Variants in RAP1GAP2 observed in about 807,000 individuals in gnomAD.
The protein encoded by RAP1GAP2 is rap1 GTPase-activating protein 2.
RAP1GAP2 carries 27 observed loss-of-function variants against 95.0 expected under a neutral mutation model. That is an observed-to-expected ratio of 0.28 (90% CI 0.21 to 0.39). RAP1GAP2 has a LOEUF of 0.39. Ranked by LOEUF, RAP1GAP2 falls within the 10% of genes least tolerant of loss-of-function variation. RAP1GAP2 has a pLI of 1.00. For synonymous variants in RAP1GAP2, 373 were observed against 380.9 expected, an observed-to-expected ratio of 0.98 and a Z score of 0.24; for missense variants, 771 against 970.0, an observed-to-expected ratio of 0.79 and a Z score of 2.72.
At position 2,965,578 on chromosome 17, in the gene RAP1GAP2, G is replaced by T; in HGVS notation, c.531G>T (p.Gly177=). The T allele has an allele frequency of 6.2e-7, 1 of 1,612,912 alleles. No individual in the cohort carries two copies. Among genetic ancestry groups the T allele is most frequent in the Non-Finnish European group, 8.5e-7 (1 of 1,179,574 alleles). Residue 177 remains glycine (G), a synonymous_variant, in exon 8 of 25, where the codon GGG becomes GGT. Coordinates refer to ENST00000254695, the MANE Select transcript of RAP1GAP2 (RefSeq NM_015085.5). The surrounding 1 kb of genome is among the most constrained non-coding windows in gnomAD (Gnocchi z 4.7). The part of the protein sequence containing the change: ...LNFYCTGSSL[G]NLILSVKCEE... ...TTTACTGTACCGGCAGCAGCCTGGG[G>T]AACTTGATCCTGTCCGTCAAGTGCG...
At chr17:2,793,407 GT>G (rs2068981192), upstream of RAP1GAP2, among the ~76,000 whole-genome samples, 1 of 152,282 alleles carries the variant, frequency 6.6e-6, no homozygotes, top group Non-Finnish European at 1.5e-5. Context: ...CCCTGCCTCG[GT>G]CTCCCAAAGT....
At chr17:2,943,991 C>CA (rs921465297) in intron 3 of RAP1GAP2, among the ~76,000 whole-genome samples, 4 of 151,816 alleles carry the variant, frequency 2.6e-5, no homozygotes, top group Admixed American at 6.6e-5. Flanking sequence ...TACTAAAATA[C>CA]AAAAAATTAG....
chr17:2,979,655 C>T (rs984179591), intron 8 of RAP1GAP2, among the ~76,000 whole-genome samples: 58 of 151,704 alleles, frequency 3.8e-4, no homozygotes, highest in Non-Finnish European at 5.5e-4. Flanking sequence ...TTAGTAGAGA[C>T]GGGGTTTCAC....
rs2070511682 is a variant in RAP1GAP2 at position 2,825,580 on chromosome 17, A to G, written c.80+25030A>G. Among the ~76,000 whole-genome samples the G allele has an allele frequency of 6.6e-6, 1 of 152,132 alleles. No individual in the cohort carries two copies. The highest frequency in any genetic ancestry group is 1.5e-5 in the Non-Finnish European group (1 of 68,034). On this transcript the variant is annotated intron_variant, in intron 2 of 24. Transcript: ENST00000254695. This position sits in a 1 kb window ranked among gnomAD's most constrained non-coding sequence, Gnocchi z 4.1. ...ACTCACTGCTGGGGTTACCTTGGGC[A>G]ACCGTCTGAACCTCTCTGAGCTTGT...
intron 1 of RAP1GAP2, among the ~76,000 whole-genome samples, chr17:2,789,797 A>G (rs1478741465): frequency 6.6e-6 from 1 of 151,044 alleles, no homozygotes; most frequent in Non-Finnish European, 1.5e-5. Flanking sequence ...AAAAAAAAAA[A>G]AAAAAGTAAA....
At chr17:2,897,681 C>A (rs940396473) in intron 2 of RAP1GAP2, among the ~76,000 whole-genome samples, 5 of 152,152 alleles carry the variant, frequency 3.3e-5, no homozygotes, top group African/African-American at 9.6e-5. Flanking sequence ...TTGCTCCCCA[C>A]TTCCCACAAG....
intron 2 of RAP1GAP2, among the ~76,000 whole-genome samples, chr17:2,862,023 C>T (rs1440479741): frequency 2.6e-5 from 4 of 152,184 alleles, no homozygotes; most frequent in African/African-American, 7.2e-5. Context: ...TCCCTTCTCT[C>T]TCCTTTCTTT....
At chr17:2,927,437 G>C (rs1010501629) in intron 3 of RAP1GAP2, among the ~76,000 whole-genome samples, 3 of 152,308 alleles carry the variant, frequency 2.0e-5, no homozygotes, top group East Asian at 3.9e-4. Flanking sequence ...ACAGGCGTGA[G>C]CCACCGCGCC....
chr17:2,917,815 A>C (rs1048158137), intron 3 of RAP1GAP2, among the ~76,000 whole-genome samples: 3 of 152,000 alleles, frequency 2.0e-5, no homozygotes, highest in African/African-American at 7.2e-5. Flanking sequence ...TCCTGGGTTC[A>C]AGTGATTCTC....
upstream of RAP1GAP2, chr17:2,777,015 C>A (rs1446441347): frequency 6.6e-6 from 1 of 152,312 alleles, no homozygotes; most frequent in Non-Finnish European, 1.5e-5. Context: ...GTGTGACTGA[C>A]GGGGAATCGG....
chr17:2,897,844 G>A (rs900140362), intron 2 of RAP1GAP2, among the ~76,000 whole-genome samples: 12 of 152,050 alleles, frequency 7.9e-5, no homozygotes, highest in African/African-American at 1.9e-4. Context: ...TTTCTCCCAC[G>A]GCTGCTGCTC....
At chr17:2,888,391 T>A (rs1399895418) in intron 2 of RAP1GAP2, among the ~76,000 whole-genome samples, 3 of 152,312 alleles carry the variant, frequency 2.0e-5, no homozygotes, top group East Asian at 3.9e-4. Context: ...TACTTTTGTA[T>A]CCCTGCCAAC....
At chr17:2,955,508 G>A (rs1384903174) in intron 3 of RAP1GAP2, among the ~76,000 whole-genome samples, 3 of 152,130 alleles carry the variant, frequency 2.0e-5, no homozygotes, top group Non-Finnish European at 4.4e-5. Context: ...GTTTGTTTTT[G>A]TAGAGACACG....
chr17:3,006,098 G>C, intron 16 of RAP1GAP2, 57 bp downstream of exon 16: 4 of 972,218 alleles, frequency 4.1e-6, no homozygotes, highest in Non-Finnish European at 4.8e-6. Context: ...CTGTTAGCCA[G>C]CCTCATCCAG....
intron 2 of RAP1GAP2, among the ~76,000 whole-genome samples, chr17:2,899,805 G>A (rs763390637): frequency 1.3e-5 from 2 of 152,132 alleles, no homozygotes; most frequent in African/African-American, 2.4e-5. Context: ...GCCACTGCCC[G>A]TGGTCCTATT....
At chr17:2,835,036 C>T (rs975000661) in intron 2 of RAP1GAP2, among the ~76,000 whole-genome samples, 21 of 152,018 alleles carry the variant, frequency 1.4e-4, no homozygotes, top group African/African-American at 4.6e-4. Flanking sequence ...TCTCCTGCCT[C>T]AGCCTCCCAA....
chr17:2,802,817 C>T (rs2069360510), intron 2 of RAP1GAP2, among the ~76,000 whole-genome samples: 1 of 152,144 alleles, frequency 6.6e-6, no homozygotes, highest in South Asian at 2.1e-4. Context: ...TAGTAGGACC[C>T]CCATGTCTGT....
chr17:2,976,844 A>C (rs2045140465), intron 8 of RAP1GAP2, among the ~76,000 whole-genome samples: 1 of 152,142 alleles, frequency 6.6e-6, no homozygotes, highest in South Asian at 2.1e-4. Flanking sequence ...CAAGGAAAAG[A>C]TACAAACAGG....
In RAP1GAP2 at chr17:3,014,450, A is replaced by G. The variant is rs186426027; in HGVS notation, c.1495-3611A>G. On this transcript the variant is annotated intron_variant, in intron 17 of 24. Transcript: ENST00000254695. ...CTGCAGTGTCATTGTGTGGTGCTGGACTGGATTGCAGAATATAAATGATTA... is the reference window on the plus strand; with the variant it reads ...CTGCAGTGTCATTGTGTGGTGCTGGGCTGGATTGCAGAATATAAATGATTA... Among the ~76,000 whole-genome samples the G allele has an allele frequency of 1.1e-4, 16 of 152,190 alleles. No individual in the cohort carries two copies. In the East Asian group the frequency reaches 3.1e-3, roughly 29 times the overall value.
Sources: allele counts gnomAD v4.1 joint callset (sites outside exome capture counted in the v4.1 genomes callset), GRCh38; gene constraint gnomAD v4.1.1; non-coding constraint Gnocchi (gnomAD v3.1); transcripts MANE v1.5; gene names NCBI Gene and HGNC (gene_info 2026-07-23, HGNC 2026-07-21).